Variants in THSD7B observed in about 807,000 individuals in gnomAD.
The protein encoded by THSD7B is thrombospondin type-1 domain-containing protein 7B.
Under a neutral mutation model 213.6 loss-of-function variants are expected in THSD7B, and 138 were observed. That is an observed-to-expected ratio of 0.65 (90% CI 0.56 to 0.74). The LOEUF (loss-of-function observed/expected upper bound fraction) is 0.74, where lower values mean the gene tolerates loss of function less well. Among genes scored for constraint, THSD7B ranks in the 30% least tolerant of loss-of-function variants. THSD7B has a pLI of 0.00. For synonymous variants in THSD7B, 742 were observed against 687.0 expected (o/e 1.08, Z -1.25); for missense variants, 1,931 against 1,991.5 (o/e 0.97, Z 0.58).
chr2:136,849,682 T>A (rs1277416504), intron 1 of THSD7B, among the ~76,000 whole-genome samples: 3 of 152,128 alleles, frequency 2.0e-5, no homozygotes, highest in African/African-American at 7.2e-5. Flanking sequence ...TCTGCAAATA[T>A]GTCCACCCCT....
intron 1 of THSD7B, among the ~76,000 whole-genome samples, chr2:136,790,369 A>C (rs925229208): frequency 1.3e-5 from 2 of 152,068 alleles, no homozygotes; most frequent in Non-Finnish European, 2.9e-5. Context: ...CTACTGAACT[A>C]GATATTATTA....
At chr2:137,534,419 A>T (rs1680462826) in intron 15 of THSD7B, among the ~76,000 whole-genome samples, 2 of 151,640 alleles carry the variant, frequency 1.3e-5, no homozygotes, top group Non-Finnish European at 1.5e-5. Context: ...CAGGACAGTG[A>T]ATATATATAT....
At position 137,546,376 on chromosome 2, in the gene THSD7B, A is replaced by ATATATT. The variant is rs1374609313; in HGVS notation, c.3139-16845_3139-16844insTATATT. On this transcript the variant is annotated intron_variant, in intron 15 of 27. Coordinates refer to ENST00000409968, the MANE Select transcript of THSD7B (RefSeq NM_001316349.2). ...ATATATATATATTATATATATATAT[A>ATATATT]ATATATATATTATATATATTATATA... Among the ~76,000 whole-genome samples, 125 of 44,358 alleles carry ATATATT rather than the reference A, an allele frequency of 2.8e-3. 19 individuals are homozygous for ATATATT. The highest frequency in any genetic ancestry group is 0.018 in the Middle Eastern group (2 of 110). The allele number at this position is 44,358 out of a possible 152,430, so 29.1% of individuals were successfully genotyped here. A position where few individuals can be genotyped will look rare whatever the true frequency, so the allele number is the denominator to read the frequency against.
chr2:136,982,316 G>A (rs201051468), intron 2 of THSD7B, among the ~76,000 whole-genome samples: 2 of 15,658 alleles, frequency 1.3e-4, no homozygotes, highest in African/African-American at 3.4e-4. Context: ...TGAGCAAATT[G>A]TACTTTTTTT....
chr2:137,545,928 T>C (rs760296485), intron 15 of THSD7B, among the ~76,000 whole-genome samples: 1 of 151,616 alleles, frequency 6.6e-6, no homozygotes, highest in Non-Finnish European at 1.5e-5. Flanking sequence ...TACCTGCCTT[T>C]AAGGGAAAAA....
At chr2:137,638,401 A>G (rs1682874453) in intron 20 of THSD7B, among the ~76,000 whole-genome samples, 1 of 152,164 alleles carries the variant, frequency 6.6e-6, no homozygotes. Context: ...CCATGTAAGA[A>G]GTGCCTTTCA....
At chr2:137,556,804 T>G (rs1680980742) in intron 15 of THSD7B, among the ~76,000 whole-genome samples, 1 of 152,092 alleles carries the variant, frequency 6.6e-6, no homozygotes, top group Non-Finnish European at 1.5e-5. Flanking sequence ...TCCATCTCAC[T>G]TGCAGAGACA....
intron 2 of THSD7B, among the ~76,000 whole-genome samples, chr2:136,916,486 G>A (rs1412179121): frequency 6.6e-6 from 1 of 152,214 alleles, no homozygotes; most frequent in Admixed American, 6.5e-5. Flanking sequence ...ACAAGTGCAA[G>A]AGCCAAGCAT....
At chr2:137,526,468 C>G (rs1055253597) in intron 15 of THSD7B, among the ~76,000 whole-genome samples, 5 of 152,048 alleles carry the variant, frequency 3.3e-5, no homozygotes, top group Non-Finnish European at 1.5e-5. Context: ...GTCACCTAGG[C>G]TGGAGTGCAG....
intron 12 of THSD7B, among the ~76,000 whole-genome samples, chr2:137,306,440 T>A (rs907321133): frequency 3.7e-4 from 56 of 152,262 alleles, no homozygotes; most frequent in African/African-American, 1.3e-3. Context: ...TCATTCCTTT[T>A]TCTTCAAACT....
chr2:137,269,241 A>G (rs1363856482), intron 10 of THSD7B, among the ~76,000 whole-genome samples: 1 of 152,232 alleles, frequency 6.6e-6, no homozygotes, highest in Non-Finnish European at 1.5e-5. Context: ...TTTTCACTAG[A>G]GGATCCATCC....
At chr2:137,549,133 T>G (rs916204319) in intron 15 of THSD7B, among the ~76,000 whole-genome samples, 4 of 151,942 alleles carry the variant, frequency 2.6e-5, no homozygotes, top group South Asian at 2.1e-4. Context: ...CTCCTCCTTT[T>G]CTTGGTAAAT....
intron 2 of THSD7B, among the ~76,000 whole-genome samples, chr2:137,047,944 A>G (rs538547701): frequency 4.6e-5 from 7 of 152,300 alleles, no homozygotes; most frequent in African/African-American, 1.7e-4. Flanking sequence ...GTTCTGGGAT[A>G]CACATGCAGA....
chr2:137,460,505 G>A (rs1425916441), intron 15 of THSD7B, among the ~76,000 whole-genome samples: 1 of 151,956 alleles, frequency 6.6e-6, no homozygotes, highest in East Asian at 1.9e-4. Flanking sequence ...TGGAGCATTT[G>A]GATTCAAATA....
At chr2:136,822,488 A>T (rs1447742817) in intron 1 of THSD7B, among the ~76,000 whole-genome samples, 1 of 152,206 alleles carries the variant, frequency 6.6e-6, no homozygotes, top group Non-Finnish European at 1.5e-5. Flanking sequence ...AGGGTCATTT[A>T]GTCCTTAGAT....
Position 137,663,533 on chromosome 2 carries a change from CATG to C in THSD7B, c.4612_4614del (p.Asp1538del), listed in dbSNP as rs1380193278. The C allele has an allele frequency of 2.5e-6, 4 of 1,609,056 alleles. No individual in the cohort carries two copies. Among genetic ancestry groups the C allele is most frequent in the South Asian group, 1.1e-5 (1 of 89,838 alleles). ...AAACAGACCTGTGAATTCAAAAATA[CATG>C]ATATTTTTAAAGGATGGTCTCTTCA... On this transcript the variant is annotated inframe_deletion, in exon 26 of 28. Transcript: ENST00000409968.
At chr2:136,940,748 T>TTC (rs59343201) in intron 2 of THSD7B, among the ~76,000 whole-genome samples, 3 of 147,510 alleles carry the variant, frequency 2.0e-5, no homozygotes, top group Non-Finnish European at 4.5e-5. Flanking sequence ...ATATATTTTT[T>TTC]CTTATTCCCA....
At chr2:137,109,197 A>G (rs921544250) in intron 4 of THSD7B, among the ~76,000 whole-genome samples, 1 of 152,292 alleles carries the variant, frequency 6.6e-6, no homozygotes, top group East Asian at 1.9e-4. Context: ...CCCACAGCCT[A>G]TTACTTCCCT....
At chr2:137,662,778 G>C (rs190394876) in intron 25 of THSD7B, among the ~76,000 whole-genome samples, 17 of 152,274 alleles carry the variant, frequency 1.1e-4, no homozygotes, top group Admixed American at 2.0e-4. Flanking sequence ...AAGATGGCCA[G>C]ACATGGTGGC....
Sources: gnomAD v4.1 joint callset for allele counts (sites outside exome capture counted in the v4.1 genomes callset) on GRCh38, gnomAD v4.1.1 for gene constraint, MANE v1.5 for transcripts, NCBI Gene and HGNC (gene_info 2026-07-23, HGNC 2026-07-21) for gene names.